The following MORC2 variants were observed in gnomAD, a reference collection of about 807,000 sequenced individuals.
MORC2 encodes the protein MORC family CW-type zinc finger 2.
Under a neutral mutation model 136.0 loss-of-function variants are expected in MORC2, and 30 were observed. The ratio of observed to expected loss-of-function variants is 0.22; its 90% confidence interval spans 0.17 to 0.30. The LOEUF (loss-of-function observed/expected upper bound fraction) is 0.30. Among genes scored for constraint, MORC2 ranks in the 10% least tolerant of loss-of-function variants. The probability of loss-of-function intolerance (pLI) is 1.00; values close to 1 mark genes in which losing one functional copy is unlikely to be tolerated. For synonymous variants in MORC2, 439 were observed against 487.0 expected (o/e 0.90, Z 1.30); for missense variants, 922 against 1,333.1 (o/e 0.69, Z 4.80).
chr22:30,945,772 T>C lies in MORC2; in HGVS notation c.426+569A>G, dbSNP rs149743561. Among the ~76,000 whole-genome samples, 983 of 152,322 alleles carry C rather than the reference T, an allele frequency of 6.5e-3. 18 individuals are homozygous for C. Among genetic ancestry groups the C allele is most frequent in the African/African-American group, 0.023 (945 of 41,570 alleles). On this transcript the variant is annotated intron_variant, in intron 6 of 25. Transcript: ENST00000397641. ...CATAGCAGTAATCACTGGGGCTGTG[T>C]AGCAGCCACTCCCAAGACGAGACCC...
At position 30,957,465 on chromosome 22, in the gene MORC2, G is replaced by A. The variant is rs528651519; in HGVS notation, c.123-668C>T. On this transcript the variant is annotated intron_variant, in intron 2 of 25. Transcript: ENST00000397641. ...TGCCAACTGCAAAGAAAATGAAACC[G>A]TTTCACTGGTTTTACATGCAAAAAA... Among the ~76,000 whole-genome samples the A allele has an allele frequency of 1.2e-4, 18 of 152,216 alleles. 1 individual carries two copies. In the East Asian group the frequency reaches 3.3e-3, roughly 28 times the overall value.
At position 30,937,790 on chromosome 22, in the gene MORC2, A is replaced by G; in HGVS notation, c.1369+25T>C. The G allele has an allele frequency of 6.2e-7, 1 of 1,614,042 alleles. No homozygotes were observed. Among genetic ancestry groups the G allele is most frequent in the Non-Finnish European group, 8.5e-7 (1 of 1,179,946 alleles). ...ACATTCAGGTGAAGAGAAAAGGCAGAGGCCCAGCAGCCCAGCCCCATTACC... is the reference window on the plus strand; with the variant it reads ...ACATTCAGGTGAAGAGAAAAGGCAGGGGCCCAGCAGCCCAGCCCCATTACC... On this transcript the variant is annotated intron_variant, in intron 14 of 25. Transcript: ENST00000397641. This position sits in a 1 kb window ranked among gnomAD's most constrained non-coding sequence, Gnocchi z 4.7.
rs931334008 is a variant in MORC2 at position 30,941,319 on chromosome 22, G to A, written c.824+114C>T. 20 of 1,428,120 alleles carry A rather than the reference G, an allele frequency of 1.4e-5. No individual in the cohort carries two copies. The highest frequency in any genetic ancestry group is 7.3e-5 in the East Asian group (3 of 41,356). 88.5% of individuals were successfully genotyped at this position (1,428,120 alleles called of 1,614,324 possible). On this transcript the variant is annotated intron_variant, in intron 9 of 25. Coordinates refer to ENST00000397641, the MANE Select transcript of MORC2 (RefSeq NM_001303256.3). This position sits in a 1 kb window ranked among gnomAD's most constrained non-coding sequence, Gnocchi z 4.6. ...TCACAGGCAACTTAAAGTCCCAAAC[G>A]TAGTCAGCACTGCCAGAGCCTCTTA...
At chr22:30,936,458 C>T in intron 17 of MORC2, 53 bp downstream of exon 17, 3 of 1,604,008 alleles carry the variant, frequency 1.9e-6, no homozygotes, top group Non-Finnish European at 2.6e-6. Flanking sequence ...GTTCCTGTCA[C>T]AGGCAGAGCC....
rs779864060 is a variant in MORC2 at position 30,950,368 on chromosome 22, A to T, written c.226+9T>A. ...CCCCACCCCCCAAAACAATAATCTC[A>T]TCACTTACTTGGATCCATTCCTGCT... On this transcript the variant is annotated intron_variant, in intron 4 of 25. Coordinates refer to ENST00000397641, the MANE Select transcript of MORC2 (RefSeq NM_001303256.3). 4 of 1,552,006 alleles carry T rather than the reference A, an allele frequency of 2.6e-6. No individual in the cohort carries two copies. In the African/African-American group the frequency reaches 4.5e-5, roughly 17 times the overall value.
rs1346572254 is a variant in MORC2, at chr22:30,932,269, G to T, written c.2841+90C>A. ...CTGAGAGCTAGCAACTGCAACAAGCGTAACAATCATAATCACAACAGTTAC... is the reference window on the plus strand; with the variant it reads ...CTGAGAGCTAGCAACTGCAACAAGCTTAACAATCATAATCACAACAGTTAC... On this transcript the variant is annotated intron_variant, in intron 24 of 25. Coordinates refer to ENST00000397641, the MANE Select transcript of MORC2 (RefSeq NM_001303256.3). This position sits in a 1 kb window ranked among gnomAD's most constrained non-coding sequence, Gnocchi z 4.4. The T allele has an allele frequency of 1.1e-5, 13 of 1,131,982 alleles. No homozygotes were observed. The highest frequency in any genetic ancestry group is 1.7e-5 in the Non-Finnish European group (13 of 775,454). The allele number at this position is 1,131,982 out of a possible 1,614,324, so 70.1% of individuals were successfully genotyped here. A position where few individuals can be genotyped will look rare whatever the true frequency, so the allele number is the denominator to read the frequency against.
At chr22:30,939,791 A>G (rs1408432528) in intron 11 of MORC2, 85 bp from the exon 12 acceptor site, 3 of 1,420,722 alleles carry the variant, frequency 2.1e-6, no homozygotes, top group East Asian at 4.8e-5. Flanking sequence ...AGACATCTCA[A>G]TTTATCTCAA....
chr22:30,948,362 C>A (rs950058737), intron 5 of MORC2, among the ~76,000 whole-genome samples: 2 of 152,168 alleles, frequency 1.3e-5, no homozygotes, highest in Admixed American at 1.3e-4. Flanking sequence ...TTTAGATAAC[C>A]TGCATTAGAA....
In MORC2 at chr22:30,932,684, C is replaced by G. The variant is rs1255812110; in HGVS notation, c.2608G>C (p.Glu870Gln). The G allele has an allele frequency of 1.9e-6, 3 of 1,614,196 alleles. No homozygotes were observed. Among genetic ancestry groups the G allele is most frequent in the Non-Finnish European group, 2.5e-6 (3 of 1,180,022 alleles). The part of the protein sequence containing the change: ...QSLDTQQEGG[E>Q]EEVGPVAQQA... ...TGGGCCACAGGGCCCACCTCCTCCT[C>G]CCCGCCCTCCTGTTGTGTATCAAGG... Residue 870 changes from glutamate (E) to glutamine (Q), a missense_variant, in exon 23 of 26, where the codon GAG becomes CAG. By Grantham distance (29) the Glu-to-Gln change is conservative (BLOSUM62 2). This residue lies in a region of MORC2 where 263 missense variants were observed against 388.3 expected (regional missense o/e 0.68). Transcript: ENST00000397641. The surrounding 1 kb of genome is among the most constrained non-coding windows in gnomAD (Gnocchi z 4.4).
chr22:30,967,897 A>AT lies in MORC2; in HGVS notation c.-9dup. The AT allele has an allele frequency of 6.5e-7, 1 of 1,543,110 alleles. No homozygotes were observed. Among genetic ancestry groups the AT allele is most frequent in the Non-Finnish European group, 8.8e-7 (1 of 1,139,722 alleles). Reference sequence around the variant, plus strand: ...GTAATTTGTGAAAGCCATGACTGCAATAAGGTCTCCAGCCCTTCACCCGCT... The same window carrying AT: ...GTAATTTGTGAAAGCCATGACTGCAATTAAGGTCTCCAGCCCTTCACCCGCT... On this transcript the variant is annotated 5_prime_UTR_variant, in exon 1 of 26. Coordinates refer to ENST00000397641, the MANE Select transcript of MORC2 (RefSeq NM_001303256.3).
At position 30,934,815 on chromosome 22, in the gene MORC2, A is replaced by G; in HGVS notation, c.2159T>C (p.Val720Ala). 6.2e-7 allele frequency: 1 copy of G among 1,614,104 alleles called. No homozygotes were observed. The highest frequency in any genetic ancestry group is 8.5e-7 in the Non-Finnish European group (1 of 1,180,022). ...TTTGATGGGTGACTCTGTCTTCTTCACCACTGGAGTCTTGATGACTTTGGG... is the reference window on the plus strand; with the variant it reads ...TTTGATGGGTGACTCTGTCTTCTTCGCCACTGGAGTCTTGATGACTTTGGG... ...PSPKVIKTPV[V>A]KKTESPIKLS... Residue 720 changes from valine (V) to alanine (A), a missense_variant, in exon 19 of 26, where the codon GTG becomes GCG. This residue lies in a region of MORC2 where 184 missense variants were observed against 180.3 expected (regional missense o/e 1.02). Coordinates refer to ENST00000397641, the MANE Select transcript of MORC2 (RefSeq NM_001303256.3). The surrounding 1 kb of genome is among the most constrained non-coding windows in gnomAD (Gnocchi z 4.4).
At position 30,957,849 on chromosome 22, in the gene MORC2, G is replaced by A. The variant is rs147929416; in HGVS notation, c.122+792C>T. ...TTAGAATAAGTTTATTGTATACACA[G>A]AGGTAAAGAGGAAATTATCAGCGAG... On this transcript the variant is annotated intron_variant, in intron 2 of 25. Coordinates refer to ENST00000397641, the MANE Select transcript of MORC2 (RefSeq NM_001303256.3). 9.9e-3 allele frequency among the ~76,000 whole-genome samples: 1,511 copies of A among 152,324 alleles called. 30 individuals are homozygous for A. The highest frequency in any genetic ancestry group is 0.035 in the African/African-American group (1,458 of 41,556).
At chr22:30,964,769 T>A (rs1478821773) in intron 1 of MORC2, among the ~76,000 whole-genome samples, 1 of 152,192 alleles carries the variant, frequency 6.6e-6, no homozygotes, top group Non-Finnish European at 1.5e-5. Flanking sequence ...TCAAAAGTTA[T>A]CAAAGACCTG....
intron 1 of MORC2, among the ~76,000 whole-genome samples, chr22:30,960,787 G>A (rs866358446): frequency 1.8e-4 from 26 of 143,138 alleles, no homozygotes; most frequent in African/African-American, 5.6e-4. Context: ...CGCCACACCC[G>A]GCTGGAAAAG....
intron 1 of MORC2, among the ~76,000 whole-genome samples, chr22:30,959,075 G>T (rs143037244): frequency 0.016 from 2,420 of 152,322 alleles, 27 homozygotes; most frequent in Admixed American, 0.027. Context: ...CTCAGAGCAA[G>T]AATTTTAAGG....
Position 30,941,412 on chromosome 22 carries a change from C to T in MORC2, c.824+21G>A, listed in dbSNP as rs554848526. ...TCCTCGACCCATGGGAGACAGCAGGCCAAGGGGCACTGGCCCCTACCTGGG... is the reference window on the plus strand; with the variant it reads ...TCCTCGACCCATGGGAGACAGCAGGTCAAGGGGCACTGGCCCCTACCTGGG... On this transcript the variant is annotated intron_variant, in intron 9 of 25. Coordinates refer to ENST00000397641, the MANE Select transcript of MORC2 (RefSeq NM_001303256.3). This position sits in a 1 kb window ranked among gnomAD's most constrained non-coding sequence, Gnocchi z 4.6. 3.3e-5 allele frequency: 54 copies of T among 1,612,434 alleles called. 1 individual carries two copies. In the South Asian group the frequency reaches 4.9e-4, roughly 15 times the overall value.
At chr22:30,962,643 A>G (rs1346888967) in intron 1 of MORC2, among the ~76,000 whole-genome samples, 2 of 151,892 alleles carry the variant, frequency 1.3e-5, no homozygotes, top group Admixed American at 6.6e-5. Context: ...CACAGTCTCA[A>G]TGCTGTTCCA....
Position 30,936,616 on chromosome 22 carries a change from C to T in MORC2, c.1632G>A (p.Lys544=), listed in dbSNP as rs752607303. ...CCTTTCTGAATGTTCCCAGGGGAAC[C>T]TTCTGCTTTTGTTCAGAAGCCTCAC... ...DRCEASEQKQ[K]VPLGTFRKDM... is the part of the protein sequence containing the mutation. Residue 544 remains lysine (K), a synonymous_variant, in exon 17 of 26, where the codon AAG becomes AAA. Coordinates refer to ENST00000397641, the MANE Select transcript of MORC2 (RefSeq NM_001303256.3). The T allele has an allele frequency of 3.1e-6, 5 of 1,614,026 alleles. No homozygotes were observed. The highest frequency in any genetic ancestry group is 3.3e-5 in the Admixed American group (2 of 60,002).
In MORC2 at chr22:30,950,384, C is replaced by A; in HGVS notation, c.219G>T (p.Met73Ile). 1 of 1,433,584 alleles carries A rather than the reference C, an allele frequency of 7.0e-7. No individual in the cohort carries two copies. The highest frequency in any genetic ancestry group is 9.5e-7 in the Non-Finnish European group (1 of 1,055,362). 88.8% of individuals were successfully genotyped at this position (1,433,584 alleles called of 1,614,324 possible). ...MLCFLDDGAG[M>I]DPSDAASVIQ... ...AATAATCTCATCACTTACTTGGATC[C>A]ATTCCTGCTCCATCATCCAAAAAGC... Residue 73 changes from methionine to isoleucine, a missense_variant, in exon 4 of 26, where the codon ATG becomes ATT. By Grantham distance (10) the Met-to-Ile change is conservative. Transcript: ENST00000397641.
Sources: allele counts gnomAD v4.1 joint callset (sites outside exome capture counted in the v4.1 genomes callset), GRCh38; gene constraint gnomAD v4.1.1; regional missense constraint gnomAD v4.1.1; non-coding constraint Gnocchi (gnomAD v3.1); transcripts MANE v1.5; gene names NCBI Gene and HGNC (gene_info 2026-07-23, HGNC 2026-07-21).